The following ANKRD11 variants were observed in gnomAD, a reference collection of about 807,000 sequenced individuals.
ANKRD11 encodes the protein ankyrin repeat domain 11.
In ANKRD11, 17 loss-of-function variants were observed where a neutral mutation model predicts 195.7. The ratio of observed to expected loss-of-function variants is 0.09; its 90% CI spans 0.06 to 0.13. ANKRD11 has a LOEUF of 0.13. ANKRD11 is among the 10% of genes least tolerant of loss of function. The probability of loss-of-function intolerance (pLI) is 1.00; values close to 1 mark genes in which losing one functional copy is unlikely to be tolerated. For synonymous variants in ANKRD11, 1,953 were observed against 1,528.1 expected, an observed-to-expected ratio of 1.28 and a Z score of -6.49; for missense variants, 3,735 against 3,566.1, an observed-to-expected ratio of 1.05 and a Z score of -1.21.
chr16:89,378,243 T>C (rs1374418051), intron 2 of ANKRD11, among the ~76,000 whole-genome samples: 2 of 152,172 alleles, frequency 1.3e-5, no homozygotes, highest in South Asian at 2.1e-4. Context: ...TTAAAATGTG[T>C]TGACTGTTTA....
intron 3 of ANKRD11, among the ~76,000 whole-genome samples, chr16:89,312,204 T>C (rs1321628192): frequency 1.3e-5 from 2 of 152,206 alleles, no homozygotes; most frequent in Admixed American, 6.5e-5. Flanking sequence ...GGCCAGGAAC[T>C]TCCACTTCTT....
chr16:89,279,720 G>T lies in ANKRD11; in HGVS notation c.6822C>A (p.Pro2274=), dbSNP rs148730499. Residue 2274 remains proline (P), a synonymous_variant, in exon 9 of 13, where the codon CCC becomes CCA. Transcript: ENST00000301030. This position sits in a 1 kb window ranked among gnomAD's most constrained non-coding sequence, Gnocchi z 5.6. Reference sequence around the variant, plus strand: ...GAGCTTGTGCCACAGTGTTCGGGGCGGGGCCGTCAGGGGCACAGAGGGACG... The same window carrying T: ...GAGCTTGTGCCACAGTGTTCGGGGCTGGGCCGTCAGGGGCACAGAGGGACG... The part of the protein sequence containing the change: ...PAASLCAPDG[P]APNTVAQAQA... The T allele has an allele frequency of 1.3e-6, 2 of 1,534,326 alleles. No individual in the cohort carries two copies. Among genetic ancestry groups the T allele is most frequent in the African/African-American group, 1.4e-5 (1 of 73,320 alleles).
intron 4 of ANKRD11, among the ~76,000 whole-genome samples, chr16:89,296,959 C>A (rs765650216): frequency 8.5e-5 from 13 of 152,226 alleles, no homozygotes; most frequent in Non-Finnish European, 1.8e-4. Flanking sequence ...GCTGGGGGGA[C>A]AGTGTCTACC....
At chr16:89,488,845 G>C (rs1368287120) in intron 1 of ANKRD11, among the ~76,000 whole-genome samples, 1 of 152,114 alleles carries the variant, frequency 6.6e-6, no homozygotes, top group Non-Finnish European at 1.5e-5. Flanking sequence ...AAGAAAGCCT[G>C]AAATCTAATT....
intron 2 of ANKRD11, chr16:89,325,056 C>T (rs1436211686): frequency 6.4e-6 from 1 of 155,328 alleles, no homozygotes; most frequent in African/African-American, 2.4e-5. Flanking sequence ...TCATACTGAA[C>T]ACAAGTATGC....
At chr16:89,349,134 TAAAAAAAA>T (rs59621400) in intron 2 of ANKRD11, among the ~76,000 whole-genome samples, 44 of 16,584 alleles carry the variant, frequency 2.7e-3, no homozygotes, top group East Asian at 0.017. Flanking sequence ...TCTCAAAAAG[TAAAAAAAA>T]AAAAAAAAAA....
chr16:89,464,235 T>C (rs2056804164), intron 1 of ANKRD11, among the ~76,000 whole-genome samples: 1 of 150,310 alleles, frequency 6.7e-6, no homozygotes, highest in Non-Finnish European at 1.5e-5. Flanking sequence ...CGAGACTCCA[T>C]CTCAAAAGAA....
intron 11 of ANKRD11, 179 bp downstream of exon 11, chr16:89,274,635 T>C (rs940213535): frequency 2.2e-6 from 2 of 929,560 alleles, no homozygotes; most frequent in African/African-American, 1.6e-5. Flanking sequence ...GCTGCAGCCT[T>C]CTTGGCTCCT....
chr16:89,275,592 C>G (rs142590837), intron 9 of ANKRD11, among the ~76,000 whole-genome samples: 1 of 152,238 alleles, frequency 6.6e-6, no homozygotes, highest in East Asian at 1.9e-4. Context: ...GGCCCATGCA[C>G]CCCAAATCAG....
chr16:89,304,607 C>T (rs1339554238), intron 4 of ANKRD11, among the ~76,000 whole-genome samples: 1 of 151,646 alleles, frequency 6.6e-6, no homozygotes, highest in African/African-American at 2.4e-5. Context: ...CGGGCACACA[C>T]ACGGGCATAC....
At chr16:89,372,285 C>T (rs931265699) in intron 2 of ANKRD11, among the ~76,000 whole-genome samples, 1 of 152,230 alleles carries the variant, frequency 6.6e-6, no homozygotes, top group Non-Finnish European at 1.5e-5. Flanking sequence ...TTAAGAGGGG[C>T]TCTGGGGCAG....
intron 1 of ANKRD11, among the ~76,000 whole-genome samples, chr16:89,469,326 A>C (rs1238696937): frequency 6.6e-6 from 1 of 151,986 alleles, no homozygotes; most frequent in Non-Finnish European, 1.5e-5. Context: ...GGTTCAAGAG[A>C]TTCTCCAGCC....
Position 89,279,633 on chromosome 16 carries a change from G to C in ANKRD11, c.6909C>G (p.Ala2303=), listed in dbSNP as rs1321007790. ...DTEASRAAAP[A]EGPPGGIQPE... is the part of the protein sequence containing the mutation. ...GCTGGATGCCGCCAGGAGGGCCTTC[G>C]GCTGGGGCGGCGGCACGGGAGGCCT... The change falls in exon 9 of 13, where the codon GCC becomes GCG. Residue 2303 remains alanine, a synonymous_variant. Transcript: ENST00000301030. The surrounding 1 kb of genome is among the most constrained non-coding windows in gnomAD (Gnocchi z 5.6). 8 of 1,438,074 alleles carry C rather than the reference G, an allele frequency of 5.6e-6. No individual in the cohort carries two copies. The Admixed American group carries it at 1.4e-4, about 25-fold the overall frequency. The allele number at this position is 1,438,074 out of a possible 1,614,324, so 89.1% of individuals were successfully genotyped here.
chr16:89,285,658 G>A lies in ANKRD11; in HGVS notation c.893-9C>T. On this transcript the variant is annotated splice_polypyrimidine_tract_variant and intron_variant, in intron 8 of 12. Coordinates refer to ENST00000301030, the MANE Select transcript of ANKRD11 (RefSeq NM_013275.6). The surrounding 1 kb of genome is among the most constrained non-coding windows in gnomAD (Gnocchi z 5.6). ...TTCCTCTTCTGAGCTCTCTGTTGGAGGTAGGAAGCGAGAGGTCACAGGCAG... is the reference window on the plus strand; with the variant it reads ...TTCCTCTTCTGAGCTCTCTGTTGGAAGTAGGAAGCGAGAGGTCACAGGCAG... 1 of 1,614,106 alleles carries A rather than the reference G, an allele frequency of 6.2e-7. No homozygotes were observed. Among genetic ancestry groups the A allele is most frequent in the Non-Finnish European group, 8.5e-7 (1 of 1,179,944 alleles).
chr16:89,347,676 C>CT (rs2039009726), intron 2 of ANKRD11, among the ~76,000 whole-genome samples: 1 of 151,534 alleles, frequency 6.6e-6, no homozygotes, highest in African/African-American at 2.4e-5. Context: ...TCTATTTCTC[C>CT]TTATCGGTTT....
chr16:89,287,185 C>T lies in ANKRD11; in HGVS notation c.745-999G>A, dbSNP rs1285334818. 2.7e-6 allele frequency: 3 copies of T among 1,094,178 alleles called. No homozygotes were observed. In the East Asian group the frequency reaches 1.8e-4, roughly 64 times the overall value. 67.8% of individuals were successfully genotyped at this position (1,094,178 alleles called of 1,614,324 possible). ...AGTCCCAGCTGCTTAGGGGCCACCA[C>T]ACTCCTCGGCCCTCCTCTAAGGCCA... is the stretch of plus-strand genomic sequence containing the variant. On this transcript the variant is annotated intron_variant, in intron 7 of 12. Coordinates refer to ENST00000301030, the MANE Select transcript of ANKRD11 (RefSeq NM_013275.6).
rs1251812244 is a variant in ANKRD11, at chr16:89,284,411, G to A, written c.2131C>T (p.Leu711Phe). The A allele has an allele frequency of 1.9e-6, 3 of 1,613,374 alleles. No individual in the cohort carries two copies. The highest frequency in any genetic ancestry group is 2.7e-5 in the African/African-American group (2 of 74,830). The change falls in exon 9 of 13, where the codon CTC (leucine) becomes TTC (phenylalanine). Residue 711 changes from leucine (L) to phenylalanine (F), a missense_variant. Leu to Phe is a conservative substitution (Grantham distance 22). Transcript: ENST00000301030. ...TTCAGTGATTTTTCATCTTTAAAGA[G>A]CCATTCTTTTTCTTCTAATTTCATT... Reference protein sequence around the residue: ...SKMKLEEKEWLFKDEKSLKRI... With the variant: ...SKMKLEEKEWFFKDEKSLKRI...
At chr16:89,328,934 T>C (rs1415320584) in intron 2 of ANKRD11, 1 of 124,178 alleles carries the variant, frequency 8.1e-6, no homozygotes, top group Non-Finnish European at 1.7e-5. Flanking sequence ...GCTGAGTGAG[T>C]GGACATACCC....
At chr16:89,293,627 G>A (rs1290685960) in intron 4 of ANKRD11, among the ~76,000 whole-genome samples, 1 of 115,982 alleles carries the variant, frequency 8.6e-6, no homozygotes, top group African/African-American at 3.3e-5. Flanking sequence ...CTGGGGCGGT[G>A]TTGGGGCTGC....
Sources: gnomAD v4.1 joint callset for allele counts (sites outside exome capture counted in the v4.1 genomes callset) on GRCh38, gnomAD v4.1.1 for gene constraint, Gnocchi (gnomAD v3.1) non-coding constraint, MANE v1.5 for transcripts, NCBI Gene and HGNC (gene_info 2026-07-23, HGNC 2026-07-21) for gene names.